The following RAB10 variants were observed in gnomAD, a reference collection of about 807,000 sequenced individuals.
RAB10 encodes the protein ras-related protein Rab-10.
RAB10 carries 5 observed loss-of-function variants against 25.7 expected under a neutral mutation model. That is an observed-to-expected ratio of 0.19 (90% CI 0.10 to 0.41). The LOEUF is 0.41. RAB10 is among the 10% of genes least tolerant of loss of function. The pLI is 1.00. For missense variants in RAB10, 103 were observed against 245.8 expected, an observed-to-expected ratio of 0.42 and a Z score of 3.89; for synonymous variants, 89 against 86.4, an observed-to-expected ratio of 1.03 and a Z score of -0.16.
intron 1 of RAB10, among the ~76,000 whole-genome samples, chr2:26,063,012 G>A (rs572500918): frequency 6.6e-6 from 1 of 152,222 alleles, no homozygotes; most frequent in South Asian, 2.1e-4. Flanking sequence ...CTGCTCGGGA[G>A]GCTGAGGCAG....
chr2:26,105,094 A>G (rs1418602882), intron 2 of RAB10, among the ~76,000 whole-genome samples: 1 of 152,062 alleles, frequency 6.6e-6, no homozygotes, highest in Admixed American at 6.6e-5. Context: ...CTTCTTTTGC[A>G]TGGATATATT....
chr2:26,134,152 G>C, intron 5 of RAB10, among the ~76,000 whole-genome samples: 1 of 152,128 alleles, frequency 6.6e-6, no homozygotes, highest in Non-Finnish European at 1.5e-5. Flanking sequence ...CTCTTGGTCT[G>C]TTGCACAGGC....
In RAB10 at chr2:26,069,190, A is replaced by C. The variant is rs188085480; in HGVS notation, c.128-29472A>C. 2.7e-3 allele frequency among the ~76,000 whole-genome samples: 417 copies of C among 152,278 alleles called. 4 individuals are homozygous for C. Among genetic ancestry groups the C allele is most frequent in the Non-Finnish European group, 4.8e-3 (327 of 68,024 alleles). ...CATTTCTGCAGTAGAACCATGGTTG[A>C]GGCTAATGGTCCCATCAGCATTAGC... On this transcript the variant is annotated intron_variant, in intron 1 of 5. Transcript: ENST00000264710.
At chr2:26,053,187 TTAG>T (rs1401015987) in intron 1 of RAB10, among the ~76,000 whole-genome samples, 3 of 152,164 alleles carry the variant, frequency 2.0e-5, no homozygotes. Flanking sequence ...ACTTGTAACA[TTAG>T]TAGAGTTGGG....
At chr2:26,045,396 C>T (rs540009958) in intron 1 of RAB10, among the ~76,000 whole-genome samples, 8 of 152,114 alleles carry the variant, frequency 5.3e-5, no homozygotes, top group Non-Finnish European at 1.2e-4. Flanking sequence ...CCCGCCACCA[C>T]GCCCAGCTAA....
chr2:26,036,466 T>G (rs1006045441), intron 1 of RAB10, among the ~76,000 whole-genome samples: 12 of 152,092 alleles, frequency 7.9e-5, no homozygotes, highest in African/African-American at 2.9e-4. Flanking sequence ...CAAGACCAGT[T>G]TGGCCAATAT....
intron 1 of RAB10, among the ~76,000 whole-genome samples, chr2:26,050,787 C>G (rs1666114352): frequency 6.6e-6 from 1 of 152,040 alleles, no homozygotes; most frequent in Non-Finnish European, 1.5e-5. Flanking sequence ...CCACACGTGG[C>G]TAATTTTTTC....
chr2:26,038,562 G>A (rs1665815308), intron 1 of RAB10, among the ~76,000 whole-genome samples: 4 of 152,244 alleles, frequency 2.6e-5, no homozygotes, highest in Admixed American at 2.6e-4. Context: ...AATAGTGTAA[G>A]TTGAGAAAAT....
At chr2:26,092,338 T>C (rs571871505) in intron 1 of RAB10, among the ~76,000 whole-genome samples, 6 of 145,170 alleles carry the variant, frequency 4.1e-5, no homozygotes, top group Admixed American at 3.5e-4. Context: ...TGGTTAATAA[T>C]AACAACAACA....
At chr2:26,066,777 A>ATTTTTTTTTTTTTTTTTTTTT (rs3065544) in intron 1 of RAB10, among the ~76,000 whole-genome samples, 2 of 110,240 alleles carry the variant, frequency 1.8e-5, no homozygotes, top group African/African-American at 6.8e-5. Flanking sequence ...CATGCCATCA[A>ATTTTTTTTTTTTTTTTTTTTT]TTTTTTTTTT....
chr2:26,123,061 C>CACG (rs1667838573), intron 3 of RAB10, among the ~76,000 whole-genome samples: 1 of 152,092 alleles, frequency 6.6e-6, no homozygotes, highest in South Asian at 2.1e-4. Context: ...ACCCCCAAGA[C>CACG]CTGAAGGGAA....
intron 1 of RAB10, among the ~76,000 whole-genome samples, chr2:26,072,965 TGAG>T (rs1244950684): frequency 2.0e-5 from 3 of 152,170 alleles, no homozygotes; most frequent in South Asian, 2.1e-4. Flanking sequence ...CTCAGGAACT[TGAG>T]GAGTGTAAAG....
intron 1 of RAB10, among the ~76,000 whole-genome samples, chr2:26,040,987 C>T (rs1222907366): frequency 3.3e-5 from 5 of 151,166 alleles, no homozygotes; most frequent in East Asian, 3.9e-4. Context: ...AATCTCAAAA[C>T]GAATCCAAGG....
chr2:26,119,635 G>A (rs1667761866), intron 3 of RAB10, among the ~76,000 whole-genome samples: 1 of 151,756 alleles, frequency 6.6e-6, no homozygotes, highest in African/African-American at 2.4e-5. Flanking sequence ...TATCCTCCCA[G>A]CCTAGCCTCC....
chr2:26,055,903 C>CT (rs35228750), intron 1 of RAB10, among the ~76,000 whole-genome samples: 22,812 of 148,300 alleles, frequency 0.15, 3,319 homozygotes, highest in East Asian at 0.84. Flanking sequence ...ACTTTTTTTT[C>CT]TTTTTTTTTT....
chr2:26,121,016 A>AG (rs200742369), intron 3 of RAB10, among the ~76,000 whole-genome samples: 2,290 of 152,070 alleles, frequency 0.015, 39 homozygotes, highest in African/African-American at 0.04. Flanking sequence ...GGTTCAAGTG[A>AG]TTGTCCTGCC....
rs995862550 is a variant in RAB10 at position 26,109,653 on chromosome 2, C to T, written c.189-115C>T. ...TCCAGTATGGGTAGGTTATTAATTTCCTTCAACTAAAAAGTTTTTATATAT... is the reference window on the plus strand; with the variant it reads ...TCCAGTATGGGTAGGTTATTAATTTTCTTCAACTAAAAAGTTTTTATATAT... On this transcript the variant is annotated intron_variant, in intron 2 of 5. Transcript: ENST00000264710. 85 of 1,067,630 alleles carry T rather than the reference C, an allele frequency of 8.0e-5. No homozygotes were observed. The African/African-American group carries it at 1.3e-3, about 16-fold the overall frequency. 66.1% of individuals were successfully genotyped at this position (1,067,630 alleles called of 1,614,324 possible). A position where few individuals can be genotyped will look rare whatever the true frequency, so the allele number is the denominator to read the frequency against.
In RAB10 at chr2:26,111,199, G is replaced by A. The variant is rs147706803; in HGVS notation, c.327+1293G>A. The stretch of plus-strand genomic sequence containing the variant: ...AAGACCAAGTCTTAAACCAATATTA[G>A]ACCCAAGATAATACCCCTAATGGTA... On this transcript the variant is annotated intron_variant, in intron 3 of 5. Transcript: ENST00000264710. 5.3e-3 allele frequency among the ~76,000 whole-genome samples: 811 copies of A among 152,194 alleles called. 5 individuals carry two copies. The highest frequency in any genetic ancestry group is 0.019 in the African/African-American group (768 of 41,510).
At chr2:26,073,268 G>A (rs1231782467) in intron 1 of RAB10, among the ~76,000 whole-genome samples, 1 of 152,208 alleles carries the variant, frequency 6.6e-6, no homozygotes, top group African/African-American at 2.4e-5. Context: ...GGGAGAAGGG[G>A]CTATTAACCA....
Sources: allele counts gnomAD v4.1 joint callset (sites outside exome capture counted in the v4.1 genomes callset), GRCh38; gene constraint gnomAD v4.1.1; transcripts MANE v1.5; gene names NCBI Gene and HGNC (gene_info 2026-07-23, HGNC 2026-07-21).